BCL2: variants seen among roughly 807,000 people sequenced by gnomAD.
BCL2 encodes the protein BCL2 apoptosis regulator, also known as apoptosis regulator Bcl-2.
In BCL2, 1 loss-of-function variant was observed where a neutral mutation model predicts 14.2. The observed-to-expected ratio is 0.07, with a 90% CI of 0.02 to 0.33. The LOEUF is 0.33. BCL2 is among the 10% of genes least tolerant of loss of function. BCL2 has a pLI of 0.99. For missense variants in BCL2, 247 were observed against 305.9 expected, an observed-to-expected ratio of 0.81 and a Z score of 1.44; for synonymous variants, 151 against 137.2, an observed-to-expected ratio of 1.10 and a Z score of -0.70.
At chr18:63,166,856 C>T (rs774960559) in intron 2 of BCL2, among the ~76,000 whole-genome samples, 16 of 152,214 alleles carry the variant, frequency 1.1e-4, no homozygotes, top group Non-Finnish European at 1.9e-4. Flanking sequence ...GACTGATGTA[C>T]TTCCCTCCCC....
At chr18:63,309,512 A>T (rs1913239913) in intron 2 of BCL2, among the ~76,000 whole-genome samples, 1 of 152,062 alleles carries the variant, frequency 6.6e-6, no homozygotes, top group African/African-American at 2.4e-5. Flanking sequence ...CTCATTCCTC[A>T]CATTCGACCT....
chr18:63,309,344 G>C (rs1913235818), intron 2 of BCL2, among the ~76,000 whole-genome samples: 1 of 152,190 alleles, frequency 6.6e-6, no homozygotes, highest in South Asian at 2.1e-4. Flanking sequence ...GGCTTACTGG[G>C]CATTTCCACT....
intron 2 of BCL2, among the ~76,000 whole-genome samples, chr18:63,226,114 C>T (rs758597630): frequency 7.9e-5 from 12 of 152,176 alleles, no homozygotes; most frequent in Non-Finnish European, 1.3e-4. Context: ...TGAAGTCCAG[C>T]CATCCCTGGC....
intron 2 of BCL2, among the ~76,000 whole-genome samples, chr18:63,185,778 G>T (rs1428578750): frequency 6.6e-6 from 1 of 152,188 alleles, no homozygotes; most frequent in African/African-American, 2.4e-5. Context: ...GCACAGAGAG[G>T]TTAAGTAACT....
chr18:63,139,960 G>A (rs572529934), intron 2 of BCL2, among the ~76,000 whole-genome samples: 1 of 152,222 alleles, frequency 6.6e-6, no homozygotes, highest in African/African-American at 2.4e-5. Context: ...CAATAAAAAC[G>A]TAAGTAGCTA....
chr18:63,155,691 C>T (rs912968536), intron 2 of BCL2, among the ~76,000 whole-genome samples: 1 of 152,160 alleles, frequency 6.6e-6, no homozygotes, highest in Non-Finnish European at 1.5e-5. Flanking sequence ...GGCAATGCAG[C>T]GACCAGGAGC....
chr18:63,173,609 A>T (rs1360074383), intron 2 of BCL2, among the ~76,000 whole-genome samples: 2 of 152,236 alleles, frequency 1.3e-5, no homozygotes, highest in African/African-American at 4.8e-5. Flanking sequence ...AAATCGAAAG[A>T]AAAAAGCCCA....
chr18:63,284,315 C>A (rs1455699121), intron 2 of BCL2, among the ~76,000 whole-genome samples: 2 of 152,158 alleles, frequency 1.3e-5, no homozygotes, highest in Admixed American at 1.3e-4. Flanking sequence ...TGCCTCCCCA[C>A]TAAGAAGTCT....
chr18:63,259,498 C>G (rs1304535808), intron 2 of BCL2, among the ~76,000 whole-genome samples: 1 of 152,208 alleles, frequency 6.6e-6, no homozygotes, highest in Admixed American at 6.5e-5. Context: ...TATGGATGAA[C>G]ACGCAGGAAG....
At chr18:63,294,273 T>A (rs1221336679) in intron 2 of BCL2, among the ~76,000 whole-genome samples, 1 of 152,134 alleles carries the variant, frequency 6.6e-6, no homozygotes, top group Non-Finnish European at 1.5e-5. Context: ...AGTGAGGGAA[T>A]GTGCTCCTGG....
At chr18:63,146,313 G>A (rs4987817) in intron 2 of BCL2, among the ~76,000 whole-genome samples, 1,876 of 152,354 alleles carry the variant, frequency 0.012, 21 homozygotes, top group Non-Finnish European at 0.018. Flanking sequence ...CCATAGCTGC[G>A]AGGGACCTTC....
chr18:63,171,025 T>C (rs1915208878), intron 2 of BCL2, among the ~76,000 whole-genome samples: 1 of 152,264 alleles, frequency 6.6e-6, no homozygotes, highest in African/African-American at 2.4e-5. Context: ...GAAATAATGC[T>C]AGTAAAATAT....
chr18:63,154,969 G>T (rs1381269228), intron 2 of BCL2, among the ~76,000 whole-genome samples: 2 of 152,218 alleles, frequency 1.3e-5, no homozygotes, highest in African/African-American at 4.8e-5. Context: ...GACCTTCTGG[G>T]ACTGGAATGG....
intron 2 of BCL2, among the ~76,000 whole-genome samples, chr18:63,295,254 AAGTAGGTATAAATGTTTTT>A (rs753351912): frequency 6.6e-6 from 1 of 151,864 alleles, no homozygotes; most frequent in East Asian, 1.9e-4. Context: ...CAAGAAAGAC[AAGTAGGTATAAATGTTTTT>A]AGATATTATA....
At chr18:63,195,274 T>C (rs1298750558) in intron 2 of BCL2, among the ~76,000 whole-genome samples, 1 of 152,204 alleles carries the variant, frequency 6.6e-6, no homozygotes, top group South Asian at 2.1e-4. Flanking sequence ...TACAGGCCGC[T>C]TTCATCTCTA....
At chr18:63,279,392 C>T (rs978510838) in intron 2 of BCL2, among the ~76,000 whole-genome samples, 5 of 152,114 alleles carry the variant, frequency 3.3e-5, no homozygotes, top group Admixed American at 1.3e-4. Context: ...TGCATAGGCA[C>T]GTTCTAAAAG....
chr18:63,297,516 A>C (rs1912832712), intron 2 of BCL2, among the ~76,000 whole-genome samples: 1 of 152,188 alleles, frequency 6.6e-6, no homozygotes, highest in Admixed American at 6.5e-5. Flanking sequence ...TTTTAGACAC[A>C]ATGTTATGGT....
intron 2 of BCL2, among the ~76,000 whole-genome samples, chr18:63,279,686 G>A (rs1394677158): frequency 6.6e-6 from 1 of 152,164 alleles, no homozygotes; most frequent in African/African-American, 2.4e-5. Flanking sequence ...AAAAACAACA[G>A]GATGAATAAA....
chr18:63,298,849 C>T (rs1912873954), intron 2 of BCL2, among the ~76,000 whole-genome samples: 1 of 152,124 alleles, frequency 6.6e-6, no homozygotes, highest in Non-Finnish European at 1.5e-5. Flanking sequence ...TGCATCCTGC[C>T]ACCACTTAGG....
Sources: allele counts gnomAD v4.1 joint callset (sites outside exome capture counted in the v4.1 genomes callset), GRCh38; gene constraint gnomAD v4.1.1; transcripts MANE v1.5; gene names NCBI Gene and HGNC (gene_info 2026-07-23, HGNC 2026-07-21).